ULK4: variants seen among roughly 807,000 people sequenced by gnomAD.
ULK4 encodes unc-51 like kinase 4.
ULK4 carries 133 observed loss-of-function variants against 160.6 expected under a neutral mutation model. The observed-to-expected ratio is 0.83, with a 90% CI of 0.72 to 0.96. The LOEUF is 0.96. ULK4 is among the 40% of genes least tolerant of loss of function. ULK4 has a pLI of 0.00. For missense variants in ULK4, 1,580 were observed against 1,499.5 expected, an observed-to-expected ratio of 1.05 and a Z score of -0.89; for synonymous variants, 534 against 539.8, an observed-to-expected ratio of 0.99 and a Z score of 0.15.
chr3:41,578,100 G>A (rs907163476), intron 31 of ULK4, among the ~76,000 whole-genome samples: 9 of 152,176 alleles, frequency 5.9e-5, no homozygotes, highest in African/African-American at 2.2e-4. Context: ...GGATCTAATA[G>A]AATTTTTCAG....
At chr3:41,769,263 C>T (rs1308697710) in intron 21 of ULK4, among the ~76,000 whole-genome samples, 6 of 152,182 alleles carry the variant, frequency 3.9e-5, no homozygotes, top group Non-Finnish European at 8.8e-5. Flanking sequence ...TGACTCCCTA[C>T]AACTAGTTGC....
intron 30 of ULK4, among the ~76,000 whole-genome samples, chr3:41,658,475 C>T (rs1288533091): frequency 2.0e-5 from 3 of 152,146 alleles, no homozygotes; most frequent in Admixed American, 6.6e-5. Flanking sequence ...CACATATATT[C>T]ACACATATGA....
intron 32 of ULK4, among the ~76,000 whole-genome samples, chr3:41,505,924 TATG>T (rs2085357644): frequency 6.6e-6 from 1 of 152,184 alleles, no homozygotes; most frequent in South Asian, 2.1e-4. Flanking sequence ...TTCTATTAAA[TATG>T]ATATTTGCTT....
chr3:41,797,324 A>T (rs890241968), intron 20 of ULK4, among the ~76,000 whole-genome samples: 2 of 152,146 alleles, frequency 1.3e-5, no homozygotes, highest in Admixed American at 1.3e-4. Context: ...ATATTTGCCA[A>T]CCTCCGATGT....
At chr3:41,902,454 T>C (rs1440414633) in intron 12 of ULK4, among the ~76,000 whole-genome samples, 3 of 151,804 alleles carry the variant, frequency 2.0e-5, no homozygotes, top group African/African-American at 7.3e-5. Flanking sequence ...GGCAGGCGCC[T>C]GTAATCCCAG....
chr3:41,494,532 C>T (rs1488360568), intron 32 of ULK4, among the ~76,000 whole-genome samples: 2 of 151,292 alleles, frequency 1.3e-5, no homozygotes, highest in African/African-American at 2.4e-5. Flanking sequence ...GACAGGGATG[C>T]CCTCTCTCAC....
intron 35 of ULK4, among the ~76,000 whole-genome samples, chr3:41,355,662 T>C (rs2081015595): frequency 6.6e-6 from 1 of 152,218 alleles, no homozygotes; most frequent in Admixed American, 6.5e-5. Context: ...GATCTAATCA[T>C]CCTAGCACAT....
At chr3:41,518,437 C>A (rs2085821424) in intron 32 of ULK4, among the ~76,000 whole-genome samples, 1 of 152,142 alleles carries the variant, frequency 6.6e-6, no homozygotes, top group Non-Finnish European at 1.5e-5. Context: ...TGACATTTGA[C>A]TAAAAGTCAA....
At chr3:41,926,085 C>A (rs1285159751) in intron 5 of ULK4, among the ~76,000 whole-genome samples, 1 of 152,158 alleles carries the variant, frequency 6.6e-6, no homozygotes, top group Non-Finnish European at 1.5e-5. Flanking sequence ...CCAGCAGACA[C>A]CTCATACAGG....
chr3:41,455,536 G>A lies in ULK4; in HGVS notation c.3453C>T (p.Asn1151=), dbSNP rs1200866977. The change falls in exon 34 of 37, where the codon AAC becomes AAT. Residue 1151 remains asparagine, a synonymous_variant. Coordinates refer to ENST00000301831, the MANE Select transcript of ULK4 (RefSeq NM_017886.4). ...GGCTAATCAGGTCTGTCAGAGGTCT[G>A]TTGAGCAGCAGCAGGTCTTCTGCAG... ...PQAAEDLLLL[N]RPLTDLISLL... 6.2e-7 allele frequency: 1 copy of A among 1,614,054 alleles called. No individual in the cohort carries two copies. Among genetic ancestry groups the A allele is most frequent in the Non-Finnish European group, 8.5e-7 (1 of 1,179,932 alleles).
At chr3:41,654,237 T>C (rs1575533562) in intron 30 of ULK4, among the ~76,000 whole-genome samples, 1 of 152,316 alleles carries the variant, frequency 6.6e-6, no homozygotes, top group East Asian at 1.9e-4. Flanking sequence ...TGGATTTCTC[T>C]AGAACCAGAC....
At chr3:41,263,516 T>C (rs1167607706) in intron 35 of ULK4, among the ~76,000 whole-genome samples, 1 of 152,130 alleles carries the variant, frequency 6.6e-6, no homozygotes, top group East Asian at 1.9e-4. Flanking sequence ...AAGGTAAGGA[T>C]ACTATCAGCC....
chr3:41,506,775 T>TATATAA lies in ULK4; in HGVS notation c.3227-43523_3227-43522insTTATAT, dbSNP rs1559658140. ...ACTGGAGTGTGATTTAAAATATATA[T>TATATAA]ATATATATATATATATATATATATA... On this transcript the variant is annotated intron_variant, in intron 32 of 36. Transcript: ENST00000301831. 1.9e-3 allele frequency among the ~76,000 whole-genome samples: 33 copies of TATATAA among 17,618 alleles called. 3 individuals carry two copies. The highest frequency in any genetic ancestry group is 4.1e-3 in the Non-Finnish European group (27 of 6,654). 11.6% of individuals were successfully genotyped at this position (17,618 alleles called of 152,430 possible). A position where few individuals can be genotyped will look rare whatever the true frequency, so the allele number is the denominator to read the frequency against.
At chr3:41,390,923 A>G (rs2081942590) in intron 35 of ULK4, among the ~76,000 whole-genome samples, 1 of 151,698 alleles carries the variant, frequency 6.6e-6, no homozygotes, top group Admixed American at 6.6e-5. Context: ...ATCTTTTAAC[A>G]AATCTCTCCC....
chr3:41,888,718 T>C (rs1355924747), intron 16 of ULK4, among the ~76,000 whole-genome samples: 3 of 152,126 alleles, frequency 2.0e-5, no homozygotes, highest in African/African-American at 7.2e-5. Context: ...GGGTGGGACA[T>C]AGGTGTGGAT....
intron 31 of ULK4, among the ~76,000 whole-genome samples, chr3:41,614,112 T>A (rs1224443724): frequency 1.3e-5 from 2 of 152,216 alleles, no homozygotes; most frequent in Non-Finnish European, 2.9e-5. Flanking sequence ...ATTTTTTATG[T>A]TGAGATTTTA....
chr3:41,833,654 C>G (rs1382996272), intron 18 of ULK4, among the ~76,000 whole-genome samples: 3 of 152,122 alleles, frequency 2.0e-5, no homozygotes, highest in Non-Finnish European at 2.9e-5. Context: ...ATTTGGCTCT[C>G]TGCTTGTCTA....
chr3:41,761,611 C>T (rs1290935448), intron 21 of ULK4, among the ~76,000 whole-genome samples: 1 of 151,672 alleles, frequency 6.6e-6, no homozygotes, highest in African/African-American at 2.4e-5. Flanking sequence ...ACCTAAATAA[C>T]ATAAATAGAT....
At chr3:41,410,859 A>G (rs955868881) in intron 34 of ULK4, among the ~76,000 whole-genome samples, 4 of 152,204 alleles carry the variant, frequency 2.6e-5, no homozygotes, top group Non-Finnish European at 5.9e-5. Flanking sequence ...CATTCCCCCA[A>G]GTGTCTTTGT....
Sources: allele counts gnomAD v4.1 joint callset (sites outside exome capture counted in the v4.1 genomes callset), GRCh38; gene constraint gnomAD v4.1.1; transcripts MANE v1.5; gene names NCBI Gene and HGNC (gene_info 2026-07-23, HGNC 2026-07-21).